The following OXCT1 variants were observed in gnomAD, a reference collection of about 807,000 sequenced individuals.
OXCT1 encodes the protein succinyl-CoA:3-ketoacid coenzyme A transferase 1, mitochondrial.
A neutral mutation model predicts 69.6 loss-of-function variants in OXCT1; 27 were observed. That is an observed-to-expected ratio of 0.39 (90% CI 0.29 to 0.54). The LOEUF is 0.54. Among genes scored for constraint, OXCT1 ranks in the 20% least tolerant of loss-of-function variants. The probability of loss-of-function intolerance (pLI) is 0.72; values close to 1 mark genes in which losing one functional copy is unlikely to be tolerated. For missense variants in OXCT1, 437 were observed against 650.2 expected (o/e 0.67, Z 3.57); for synonymous variants, 202 against 217.8 (o/e 0.93, Z 0.64).
Position 41,731,722 on chromosome 5 carries a change from C to T in OXCT1, c.*7G>A. ...AAAACACGCAGCCTGGTACAAATATCCATATTTCAATTTGCGATCTGCTGC... is the reference window on the plus strand; with the variant it reads ...AAAACACGCAGCCTGGTACAAATATTCATATTTCAATTTGCGATCTGCTGC... On this transcript the variant is annotated 3_prime_UTR_variant, in exon 17 of 17. Coordinates refer to ENST00000196371, the MANE Select transcript of OXCT1 (RefSeq NM_000436.4). 5 of 1,606,050 alleles carry T rather than the reference C, an allele frequency of 3.1e-6. No individual in the cohort carries two copies. The highest frequency in any genetic ancestry group is 4.3e-6 in the Non-Finnish European group (5 of 1,175,948).
chr5:41,778,389 A>C (rs1386256356), intron 13 of OXCT1, among the ~76,000 whole-genome samples: 3 of 152,218 alleles, frequency 2.0e-5, no homozygotes, highest in African/African-American at 4.8e-5. Flanking sequence ...AAGAGGGGAG[A>C]GAGAACGGTA....
chr5:41,731,603 C>G lies in OXCT1; in HGVS notation c.*126G>C. On this transcript the variant is annotated 3_prime_UTR_variant, in exon 17 of 17. Transcript: ENST00000196371. ...AACAGTTTATATGGCTGCATAAAGT[C>G]TGAAACACAAGAAAACTAATAAAAA... 7.3e-7 allele frequency: 1 copy of G among 1,368,292 alleles called. No homozygotes were observed. 84.8% of individuals were successfully genotyped at this position (1,368,292 alleles called of 1,614,324 possible).
At chr5:41,792,941 A>G (rs1205936915) in intron 13 of OXCT1, among the ~76,000 whole-genome samples, 1 of 152,204 alleles carries the variant, frequency 6.6e-6, no homozygotes, top group African/African-American at 2.4e-5. Context: ...CCAGGCATCA[A>G]AATTTCTTAA....
intron 15 of OXCT1, among the ~76,000 whole-genome samples, chr5:41,741,207 C>A (rs1743148688): frequency 6.6e-6 from 1 of 152,130 alleles, no homozygotes; most frequent in African/African-American, 2.4e-5. Context: ...CTGCCTGCCT[C>A]GGCCTCCTTT....
At chr5:41,745,591 A>G (rs1471802747) in intron 15 of OXCT1, among the ~76,000 whole-genome samples, 3 of 152,222 alleles carry the variant, frequency 2.0e-5, no homozygotes, top group Non-Finnish European at 2.9e-5. Context: ...AAACCCTTCA[A>G]AAAATCAGTG....
chr5:41,775,685 G>A (rs937172473), intron 13 of OXCT1, among the ~76,000 whole-genome samples: 3 of 152,122 alleles, frequency 2.0e-5, no homozygotes, highest in African/African-American at 7.2e-5. Flanking sequence ...CTCTAATCAT[G>A]TCTTGGTCTG....
chr5:41,780,315 C>T (rs1295776336), intron 13 of OXCT1, among the ~76,000 whole-genome samples: 3 of 152,064 alleles, frequency 2.0e-5, no homozygotes, highest in African/African-American at 7.2e-5. Flanking sequence ...TAAATAATGA[C>T]ATTGATAAAT....
In OXCT1 at chr5:41,812,060, C is replaced by T. The variant is rs1028275318; in HGVS notation, c.733-4622G>A. Among the ~76,000 whole-genome samples the T allele has an allele frequency of 3.3e-5, 5 of 152,066 alleles. No individual in the cohort carries two copies. In the South Asian group the frequency reaches 8.3e-4, roughly 25 times the overall value. On this transcript the variant is annotated intron_variant, in intron 7 of 16. Coordinates refer to ENST00000196371, the MANE Select transcript of OXCT1 (RefSeq NM_000436.4). ...TCTATTCATCACAGTCTGCTGATAA[C>T]TCTGTATTGCCTTCTGGTCATTTCT...
intron 1 of OXCT1, among the ~76,000 whole-genome samples, chr5:41,866,022 A>ACCCCCCCCCC (rs61504704): frequency 8.6e-6 from 1 of 116,288 alleles, no homozygotes; most frequent in African/African-American, 2.9e-5. Flanking sequence ...TGTACAGTAG[A>ACCCCCCCCCC]CCCCCCCCCC....
At chr5:41,807,580 T>C in intron 7 of OXCT1, 142 bp from the exon 8 acceptor site, 1 of 644,842 alleles carries the variant, frequency 1.6e-6, no homozygotes, top group South Asian at 1.8e-5. Context: ...TGTATGTATA[T>C]GTATACATAT....
intron 4 of OXCT1, among the ~76,000 whole-genome samples, chr5:41,851,480 C>G (rs1285194248): frequency 3.9e-5 from 6 of 152,154 alleles, no homozygotes; most frequent in Non-Finnish European, 8.8e-5. Flanking sequence ...TCCCTGAATA[C>G]TCTCCTTCTA....
chr5:41,753,497 T>A (rs1743913471), intron 14 of OXCT1, among the ~76,000 whole-genome samples: 1 of 152,070 alleles, frequency 6.6e-6, no homozygotes, highest in Non-Finnish European at 1.5e-5. Context: ...TACCACCACA[T>A]ACCTCATCAC....
chr5:41,817,749 A>G (rs549122418), intron 7 of OXCT1, among the ~76,000 whole-genome samples: 93 of 152,326 alleles, frequency 6.1e-4, no homozygotes, highest in Non-Finnish European at 7.6e-4. Context: ...CTGCTTTTGC[A>G]GAGTAATAAA....
In OXCT1 at chr5:41,787,752, C is replaced by T. The variant is rs1181877569; in HGVS notation, c.1248+6251G>A. Among the ~76,000 whole-genome samples, 2 of 151,566 alleles carry T rather than the reference C, an allele frequency of 1.3e-5. 1 individual carries two copies. Among genetic ancestry groups the T allele is most frequent in the East Asian group, 3.9e-4 (2 of 5,158 alleles). Reference sequence around the variant, plus strand: ...ATATGGAGCATCAGGCAGAGTCCTCCGAAGAAAACTTTCTCAGTAGTGGGG... The same window carrying T: ...ATATGGAGCATCAGGCAGAGTCCTCTGAAGAAAACTTTCTCAGTAGTGGGG... On this transcript the variant is annotated intron_variant, in intron 13 of 16. Transcript: ENST00000196371.
intron 7 of OXCT1, among the ~76,000 whole-genome samples, chr5:41,816,575 T>G (rs1747256680): frequency 6.6e-6 from 1 of 152,162 alleles, no homozygotes; most frequent in Admixed American, 6.5e-5. Flanking sequence ...TAATTCAAAC[T>G]TAAAGCTTGT....
intron 16 of OXCT1, among the ~76,000 whole-genome samples, chr5:41,737,947 G>T (rs1742970884): frequency 6.6e-6 from 1 of 152,024 alleles, no homozygotes; most frequent in Non-Finnish European, 1.5e-5. Flanking sequence ...CCCAGCTGCT[G>T]GGGAGGCTGA....
At chr5:41,781,388 G>A (rs1293591692) in intron 13 of OXCT1, among the ~76,000 whole-genome samples, 1 of 149,556 alleles carries the variant, frequency 6.7e-6, no homozygotes, top group Non-Finnish European at 1.5e-5. Context: ...TTACAAATAA[G>A]AAGCTGAGGT....
chr5:41,815,932 A>C (rs960818972), intron 7 of OXCT1, among the ~76,000 whole-genome samples: 3 of 152,120 alleles, frequency 2.0e-5, no homozygotes, highest in African/African-American at 7.2e-5. Flanking sequence ...TGTTACTCTA[A>C]GACTATTTGA....
intron 13 of OXCT1, among the ~76,000 whole-genome samples, chr5:41,769,987 T>G (rs1035742551): frequency 6.6e-6 from 1 of 152,202 alleles, no homozygotes; most frequent in Non-Finnish European, 1.5e-5. Context: ...CTCGAACTCC[T>G]GACCTCAGGT....
Sources: gnomAD v4.1 joint callset for allele counts (sites outside exome capture counted in the v4.1 genomes callset) on GRCh38, gnomAD v4.1.1 for gene constraint, MANE v1.5 for transcripts, NCBI Gene and HGNC (gene_info 2026-07-23, HGNC 2026-07-21) for gene names.